CGGBP1: variants seen among roughly 807,000 people sequenced by gnomAD.
CGGBP1 encodes the protein CGG triplet repeat-binding protein 1.
Under a neutral mutation model 11.4 loss-of-function variants are expected in CGGBP1, and 4 were observed. The ratio of observed to expected loss-of-function variants is 0.35; its 90% CI spans 0.17 to 0.80. The LOEUF is 0.80. Among genes scored for constraint, CGGBP1 ranks in the 30% least tolerant of loss-of-function variants. The pLI is 0.52. For missense variants in CGGBP1, 135 were observed against 202.1 expected, an observed-to-expected ratio of 0.67 and a Z score of 2.01; for synonymous variants, 76 against 74.1, an observed-to-expected ratio of 1.03 and a Z score of -0.13.
intron 2 of CGGBP1, among the ~76,000 whole-genome samples, chr3:88,098,485 G>T (rs1472003144): frequency 6.6e-6 from 1 of 152,146 alleles, no homozygotes; most frequent in Non-Finnish European, 1.5e-5. Flanking sequence ...TTTTTATGAG[G>T]CCAGCATCAT....
intron 2 of CGGBP1, among the ~76,000 whole-genome samples, chr3:88,113,767 CT>C (rs991110193): frequency 4.6e-5 from 7 of 151,764 alleles, no homozygotes; most frequent in African/African-American, 1.7e-4. Flanking sequence ...TGAGCTCCCC[CT>C]AGGGGTGAAG....
intron 2 of CGGBP1, among the ~76,000 whole-genome samples, chr3:88,101,593 A>G (rs967301000): frequency 1.3e-5 from 2 of 152,112 alleles, no homozygotes; most frequent in African/African-American, 2.4e-5. Context: ...GCATTCAGCA[A>G]TTGATGGCTA....
chr3:88,072,029 A>T (rs1157295980), intron 2 of CGGBP1, among the ~76,000 whole-genome samples: 1 of 152,200 alleles, frequency 6.6e-6, no homozygotes, highest in Non-Finnish European at 1.5e-5. Context: ...TATCTTAGGC[A>T]TAAATCTACA....
chr3:88,078,725 C>T (rs181091783), intron 2 of CGGBP1, among the ~76,000 whole-genome samples: 33 of 152,110 alleles, frequency 2.2e-4, no homozygotes, highest in African/African-American at 7.2e-4. Context: ...AGAGATATGA[C>T]AGACTCATCA....
intron 2 of CGGBP1, among the ~76,000 whole-genome samples, chr3:88,132,445 C>T (rs930778838): frequency 6.6e-6 from 1 of 152,148 alleles, no homozygotes; most frequent in African/African-American, 2.4e-5. Context: ...ATTAAACCTG[C>T]CCTTTTGGTC....
rs140401038 is a variant in CGGBP1, at chr3:88,116,559, T to TACACACAC, written c.-229+24410_-229+24411insGTGTGTGT. The stretch of plus-strand genomic sequence containing the variant: ...AAAAATACATACATACATACATATA[T>TACACACAC]ATACACACACACACACACATGCACA... On this transcript the variant is annotated intron_variant, in intron 2 of 3. Coordinates refer to the CGGBP1 transcript ENST00000462901. Among the ~76,000 whole-genome samples, 565 of 146,258 alleles carry TACACACAC rather than the reference T, an allele frequency of 3.9e-3. 2 individuals are homozygous for TACACACAC. The highest frequency in any genetic ancestry group is 0.012 in the East Asian group (58 of 4,982).
At chr3:88,087,448 T>C (rs1244951431) in intron 2 of CGGBP1, among the ~76,000 whole-genome samples, 1 of 152,216 alleles carries the variant, frequency 6.6e-6, no homozygotes, top group Non-Finnish European at 1.5e-5. Context: ...TTTGTGATTA[T>C]GCCTTCTGCC....
At chr3:88,133,318 C>T (rs1706575332) in intron 2 of CGGBP1, among the ~76,000 whole-genome samples, 1 of 152,150 alleles carries the variant, frequency 6.6e-6, no homozygotes, top group Non-Finnish European at 1.5e-5. Flanking sequence ...ATTTAGGTCT[C>T]TCTTATTTCC....
intron 2 of CGGBP1, chr3:88,139,632 C>A (rs1203456441): frequency 3.7e-6 from 6 of 1,613,154 alleles, no homozygotes; most frequent in Non-Finnish European, 5.1e-6. Flanking sequence ...AGAAGTCATC[C>A]CTGAGCATGT....
chr3:88,080,904 A>G (rs1345829153), intron 2 of CGGBP1, among the ~76,000 whole-genome samples: 2 of 152,216 alleles, frequency 1.3e-5, no homozygotes, highest in Non-Finnish European at 2.9e-5. Flanking sequence ...TAACATTGGT[A>G]CAATAGTCAC....
intron 2 of CGGBP1, among the ~76,000 whole-genome samples, chr3:88,105,199 C>T (rs1453075512): frequency 1.3e-5 from 2 of 152,074 alleles, no homozygotes; most frequent in Admixed American, 6.6e-5. Context: ...GACAGGAATT[C>T]GGTTGATAGA....
At chr3:88,075,213 A>T (rs141342587) in intron 2 of CGGBP1, among the ~76,000 whole-genome samples, 1 of 152,312 alleles carries the variant, frequency 6.6e-6, no homozygotes, top group African/African-American at 2.4e-5. Context: ...GAGTGGCACC[A>T]CTTCTACTAG....
intron 2 of CGGBP1, among the ~76,000 whole-genome samples, chr3:88,086,999 G>A (rs925869170): frequency 6.6e-6 from 1 of 152,150 alleles, no homozygotes. Context: ...AGCCAGGATG[G>A]TCTTGATCTC....
chr3:88,064,668 C>T (rs1488849324), intron 2 of CGGBP1, among the ~76,000 whole-genome samples: 1 of 152,160 alleles, frequency 6.6e-6, no homozygotes, highest in African/African-American at 2.4e-5. Flanking sequence ...AGCCAGTTAC[C>T]ACCCATCCAT....
intron 1 of CGGBP1, chr3:88,143,555 A>T (rs1707224949): frequency 6.6e-6 from 1 of 152,184 alleles, no homozygotes; most frequent in Admixed American, 6.6e-5. Context: ...TGCTTTGTAC[A>T]TTTTCCAGAA....
chr3:88,087,072 G>A (rs1395528386), intron 2 of CGGBP1, among the ~76,000 whole-genome samples: 3 of 143,282 alleles, frequency 2.1e-5, no homozygotes, highest in Non-Finnish European at 4.6e-5. Flanking sequence ...TTGAGCCACC[G>A]TGCCCAGCCC....
intron 2 of CGGBP1, chr3:88,138,578 A>C (rs1257802678): frequency 2.0e-6 from 1 of 504,366 alleles, no homozygotes; most frequent in African/African-American, 2.0e-5. Flanking sequence ...CTAAATATGG[A>C]AAATTGGACA....
At chr3:88,140,235 G>C (rs762570330) in intron 2 of CGGBP1, 1 of 1,603,284 alleles carries the variant, frequency 6.2e-7, no homozygotes, top group Admixed American at 1.7e-5. Flanking sequence ...TGAGCTTTTT[G>C]AAGATCTTCC....
chr3:88,104,451 TTG>T (rs1158352304), intron 2 of CGGBP1, among the ~76,000 whole-genome samples: 1 of 152,136 alleles, frequency 6.6e-6, no homozygotes, highest in Admixed American at 6.5e-5. Flanking sequence ...ATGGATAGCG[TTG>T]TGTTTCAACA....
Sources: gnomAD v4.1 joint callset for allele counts (sites outside exome capture counted in the v4.1 genomes callset) on GRCh38, gnomAD v4.1.1 for gene constraint, MANE v1.5 for transcripts, NCBI Gene and HGNC (gene_info 2026-07-23, HGNC 2026-07-21) for gene names.